The following NYX variants were observed in gnomAD, a reference collection of about 807,000 sequenced individuals.
NYX encodes leucine-rich repeat protein.
For synonymous variants in NYX, 258 were observed against 245.7 expected (o/e 1.05, Z -0.47); for missense variants, 481 against 485.4 (o/e 0.99, Z 0.09).
intron 2 of NYX, among the ~76,000 whole-genome samples, chrX:41,468,386 G>A (rs934287905): frequency 6.5e-5 from 7 of 108,245 alleles, no homozygotes; most frequent in Non-Finnish European, 7.6e-5. Context: ...CTGCCTCCCT[G>A]GTTCAAGTGA....
rs1364173180 is a variant in NYX at position 41,473,522 on chromosome X, C to T, written c.54C>T (p.Ala18=). Residue 18 remains alanine (A), a synonymous_variant, in exon 3 of 3, where the codon GCC becomes GCT. Transcript: ENST00000378220. The stretch of plus-strand genomic sequence containing the variant: ...TCCTCGGCCTGCCCAGCGCCTGGGC[C>T]GTGGGGGCCTGCGCCCGCGCTTGTC... The part of the protein sequence containing the change: ...AVVLGLPSAW[A]VGACARACPA... The T allele has an allele frequency of 4.0e-6, 4 of 992,621 alleles. No individual in the cohort carries two copies. Among genetic ancestry groups the T allele is most frequent in the Non-Finnish European group, 5.1e-6 (4 of 785,826 alleles). The allele number at this position is 992,621 out of a possible 1,213,427, so 81.8% of individuals were successfully genotyped here.
intron 2 of NYX, among the ~76,000 whole-genome samples, chrX:41,467,715 T>C (rs1222663981): frequency 9.0e-6 from 1 of 111,358 alleles, no homozygotes; most frequent in Non-Finnish European, 1.9e-5. Flanking sequence ...TGGAGTTCAG[T>C]GGTCCAATCA....
At chrX:41,461,870 C>T (rs766139013) in intron 2 of NYX, among the ~76,000 whole-genome samples, 5 of 111,119 alleles carry the variant, frequency 4.5e-5, no homozygotes, top group South Asian at 7.6e-4. Flanking sequence ...GGTGCGATCT[C>T]GGCTCACTGC....
intron 2 of NYX, chrX:41,472,509 C>T (rs2064365636): frequency 1.5e-6 from 1 of 645,894 alleles, no homozygotes; most frequent in Non-Finnish European, 2.5e-6. Flanking sequence ...TCCAAGGATT[C>T]TTGAGCTATG....
intron 2 of NYX, among the ~76,000 whole-genome samples, chrX:41,470,974 T>C (rs2064357437): frequency 1.8e-5 from 2 of 111,232 alleles, no homozygotes; most frequent in South Asian, 7.5e-4. Context: ...CTGCTATTTC[T>C]CACGGCCCAA....
intron 2 of NYX, among the ~76,000 whole-genome samples, chrX:41,466,537 G>C (rs57075475): frequency 0.25 from 27,228 of 106,872 alleles, 2,733 homozygotes; most frequent in East Asian, 0.45. Context: ...GCCTGTTTTG[G>C]TTGTTCCCTG....
intron 2 of NYX, among the ~76,000 whole-genome samples, chrX:41,451,842 C>T (rs1374539697): frequency 9.0e-6 from 1 of 111,097 alleles, no homozygotes; most frequent in African/African-American, 3.3e-5. Context: ...AGTTCTAAAA[C>T]AGGCAAAACT....
In NYX at chrX:41,474,025, G is replaced by A; in HGVS notation, c.557G>A (p.Arg186His). 4.8e-6 allele frequency: 5 copies of A among 1,051,233 alleles called. No homozygotes were observed. The highest frequency in any genetic ancestry group is 3.6e-6 in the Non-Finnish European group (3 of 824,992). The allele number at this position is 1,051,233 out of a possible 1,213,427, so 86.6% of individuals were successfully genotyped here. ...LANLTHAHLERGRIEAVASSS... is the reference protein window; with the variant it reads ...LANLTHAHLEHGRIEAVASSS... ...AACCTGACGCACGCGCACCTGGAGC[G>A]CGGCCGCATCGAGGCGGTGGCCTCC... The change falls in exon 3 of 3, where the codon CGC becomes CAC. Residue 186 changes from arginine to histidine, a missense_variant. Transcript: ENST00000378220.
chrX:41,474,896 C>G lies in NYX; in HGVS notation c.1428C>G (p.Asp476Glu), dbSNP rs1156568817. ...AQHVVFGLQM[D>E] is the part of the protein sequence containing the mutation. ...ACGTGGTGTTTGGCCTGCAGATGGACTGACCTGGCCAGAGGGGGGAAAGTT... is the reference window on the plus strand; with the variant it reads ...ACGTGGTGTTTGGCCTGCAGATGGAGTGACCTGGCCAGAGGGGGGAAAGTT... The change falls in exon 3 of 3, where the codon GAC becomes GAG. Residue 476 changes from aspartate to glutamate, a missense_variant. Coordinates refer to ENST00000378220, the MANE Select transcript of NYX (RefSeq NM_001378477.3). 4.2e-6 allele frequency: 5 copies of G among 1,196,592 alleles called. No individual in the cohort carries two copies. The highest frequency in any genetic ancestry group is 5.6e-6 in the Non-Finnish European group (5 of 887,521).
At chrX:41,462,539 CA>C (rs1160208864) in intron 2 of NYX, among the ~76,000 whole-genome samples, 1 of 111,789 alleles carries the variant, frequency 8.9e-6, no homozygotes, top group African/African-American at 3.2e-5. Flanking sequence ...ATGTATTTAT[CA>C]CAATTCTGGA....
At chrX:41,458,702 A>G (rs982305478) in intron 2 of NYX, among the ~76,000 whole-genome samples, 10 of 105,814 alleles carry the variant, frequency 9.5e-5, no homozygotes, top group African/African-American at 3.4e-4. Context: ...CCTGACCTCA[A>G]GTGATCTACC....
chrX:41,468,290 A>AT (rs11408249), intron 2 of NYX, among the ~76,000 whole-genome samples: 2,914 of 85,882 alleles, frequency 0.034, 143 homozygotes, highest in African/African-American at 0.12. Context: ...TTGACAAATA[A>AT]TTTTTTTTTT....
In NYX at chrX:41,474,606, C is replaced by G; in HGVS notation, c.1138C>G (p.Leu380Val). The G allele has an allele frequency of 8.3e-7, 1 of 1,200,227 alleles. No homozygotes were observed. The highest frequency in any genetic ancestry group is 2.3e-4 in the Middle Eastern group (1 of 4,259). ...QVTFGRSSDG[L>V]CVDPEELNLT... ...GACCTTCGGGCGCTCCTCCGATGGC[C>G]TCTGTGTGGACCCCGAGGAGCTGAA... Residue 380 changes from leucine to valine, a missense_variant, in exon 3 of 3, where the codon CTC becomes GTC. Transcript: ENST00000378220.
intron 2 of NYX, among the ~76,000 whole-genome samples, chrX:41,458,956 G>T (rs1812294051): frequency 9.2e-6 from 1 of 109,209 alleles, no homozygotes; most frequent in African/African-American, 3.3e-5. Flanking sequence ...GGTGGCAGGT[G>T]CCTGTAGTCC....
chrX:41,466,954 C>T (rs1356362496), intron 2 of NYX, among the ~76,000 whole-genome samples: 1 of 107,380 alleles, frequency 9.3e-6, no homozygotes, highest in Non-Finnish European at 1.9e-5. Flanking sequence ...TGCCACCATG[C>T]CAGGCTAATT....
At chrX:41,455,359 G>A (rs191876939) in intron 2 of NYX, among the ~76,000 whole-genome samples, 22 of 109,617 alleles carry the variant, frequency 2.0e-4, no homozygotes, top group Non-Finnish European at 3.2e-4. Flanking sequence ...TGCCTGCCTC[G>A]GCCTCCCAAA....
At chrX:41,466,126 G>A (rs927633327) in intron 2 of NYX, among the ~76,000 whole-genome samples, 5 of 112,015 alleles carry the variant, frequency 4.5e-5, no homozygotes, top group Admixed American at 1.9e-4. Context: ...TGTGCTGTGT[G>A]GACTTGAAAT....
At chrX:41,468,765 G>A (rs1043992581) in intron 2 of NYX, among the ~76,000 whole-genome samples, 10 of 112,093 alleles carry the variant, frequency 8.9e-5, no homozygotes, top group Non-Finnish European at 1.7e-4. Context: ...AGAGTAGAAT[G>A]AAGGACTATT....
At chrX:41,457,206 T>C (rs935727301) in intron 2 of NYX, among the ~76,000 whole-genome samples, 3 of 106,207 alleles carry the variant, frequency 2.8e-5, no homozygotes, top group African/African-American at 7.0e-5. Context: ...CTCGGGAGGC[T>C]GAGGCAGGAG....
Sources: allele counts gnomAD v4.1 joint callset (sites outside exome capture counted in the v4.1 genomes callset), GRCh38; gene constraint gnomAD v4.1.1; transcripts MANE v1.5; gene names NCBI Gene and HGNC (gene_info 2026-07-23, HGNC 2026-07-21).